TNS1: variants seen among roughly 807,000 people sequenced by gnomAD.
The protein encoded by TNS1 is tensin-1.
In TNS1, 62 loss-of-function variants were observed where a neutral mutation model predicts 168.6. The ratio of observed to expected loss-of-function variants is 0.37; its 90% CI spans 0.30 to 0.45. TNS1 has a LOEUF of 0.45. Ranked by LOEUF, TNS1 falls within the 20% of genes least tolerant of loss-of-function variation. The probability of loss-of-function intolerance (pLI) is 1.00; values close to 1 mark genes in which losing one functional copy is unlikely to be tolerated. For synonymous variants in TNS1, 934 were observed against 933.2 expected, an observed-to-expected ratio of 1.00 and a Z score of -0.02; for missense variants, 2,240 against 2,339.4, an observed-to-expected ratio of 0.96 and a Z score of 0.88.
At chr2:217,868,237 C>T (rs1253365124) in intron 18 of TNS1, among the ~76,000 whole-genome samples, 2 of 152,232 alleles carry the variant, frequency 1.3e-5, no homozygotes, top group African/African-American at 4.8e-5. Flanking sequence ...ATCCTTATGT[C>T]ATTCCCACCC....
chr2:217,960,690 T>C (rs1957474539), intron 3 of TNS1, among the ~76,000 whole-genome samples: 1 of 152,094 alleles, frequency 6.6e-6, no homozygotes, highest in Admixed American at 6.5e-5. Flanking sequence ...TTTCTGTCCT[T>C]GAGATTCCAA....
At chr2:218,025,953 C>G (rs1188806888) in intron 1 of TNS1, among the ~76,000 whole-genome samples, 1 of 152,226 alleles carries the variant, frequency 6.6e-6, no homozygotes, top group East Asian at 1.9e-4. Flanking sequence ...CTTTTCCTCT[C>G]TCCTTCCCTT....
At chr2:217,907,892 G>A (rs1953904969) in intron 4 of TNS1, among the ~76,000 whole-genome samples, 1 of 152,132 alleles carries the variant, frequency 6.6e-6, no homozygotes, top group African/African-American at 2.4e-5. Context: ...TTTACTTATG[G>A]AATGCTTTCC....
At chr2:217,809,774 G>A in intron 30 of TNS1, 49 bp downstream of exon 30, 1 of 1,566,652 alleles carries the variant, frequency 6.4e-7, no homozygotes, top group Non-Finnish European at 8.7e-7. Flanking sequence ...ATGAATAGAT[G>A]AGTCACAGGA....
chr2:217,910,850 GA>G (rs1954323174), intron 4 of TNS1, among the ~76,000 whole-genome samples: 1 of 152,020 alleles, frequency 6.6e-6, no homozygotes, highest in East Asian at 1.9e-4. Context: ...CACACATGGG[GA>G]AATTGAGGTC....
intron 3 of TNS1, among the ~76,000 whole-genome samples, chr2:217,920,918 C>T (rs1246835468): frequency 6.6e-6 from 1 of 151,548 alleles, no homozygotes; most frequent in African/African-American, 2.4e-5. Flanking sequence ...CCTCTCTGAT[C>T]CAGAGAAGGA....
intron 1 of TNS1, among the ~76,000 whole-genome samples, chr2:218,024,238 T>C (rs1234067347): frequency 6.6e-6 from 1 of 152,048 alleles, no homozygotes; most frequent in East Asian, 1.9e-4. Flanking sequence ...GGACATAGTG[T>C]GGAGTCACTT....
chr2:217,833,111 C>T (rs988832570), intron 21 of TNS1, among the ~76,000 whole-genome samples: 9 of 152,222 alleles, frequency 5.9e-5, no homozygotes, highest in Non-Finnish European at 8.8e-5. Flanking sequence ...GCCTCAGAGA[C>T]GGTCATTCAT....
chr2:217,899,982 C>T (rs1952768616), intron 7 of TNS1, among the ~76,000 whole-genome samples: 1 of 152,230 alleles, frequency 6.6e-6, no homozygotes, highest in Non-Finnish European at 1.5e-5. Flanking sequence ...TCCCCTTCCC[C>T]CGGCCCCTGC....
At chr2:217,925,809 A>G (rs114702808) in intron 3 of TNS1, among the ~76,000 whole-genome samples, 2,759 of 151,474 alleles carry the variant, frequency 0.018, 78 homozygotes, top group African/African-American at 0.063. Flanking sequence ...CCTCCCCCAA[A>G]CCCCTGGTTA....
At chr2:217,829,093 G>A (rs1349319428) in intron 22 of TNS1, among the ~76,000 whole-genome samples, 1 of 152,108 alleles carries the variant, frequency 6.6e-6, no homozygotes, top group Non-Finnish European at 1.5e-5. Context: ...GAGTCATTCA[G>A]GGCCAGGCAC....
intron 3 of TNS1, among the ~76,000 whole-genome samples, chr2:217,967,351 AAAAT>A (rs1039188642): frequency 5.9e-5 from 9 of 152,048 alleles, no homozygotes; most frequent in African/African-American, 2.2e-4. Context: ...ATAAAAATAA[AAAAT>A]AAACAGTGGC....
chr2:217,907,622 C>T (rs541574040), intron 4 of TNS1, among the ~76,000 whole-genome samples: 3 of 152,340 alleles, frequency 2.0e-5, no homozygotes, highest in Admixed American at 6.5e-5. Flanking sequence ...TACCTTTTAT[C>T]CCCACTCTAC....
chr2:217,970,885 TTAGTTATACCTCAA>T (rs959893872), intron 3 of TNS1, among the ~76,000 whole-genome samples: 1 of 151,788 alleles, frequency 6.6e-6, no homozygotes, highest in Non-Finnish European at 1.5e-5. Flanking sequence ...GGTATGTGAA[TTAGTTATACCTCAA>T]TAAAGTTGTT....
At chr2:217,940,675 G>A (rs1425011250) in intron 3 of TNS1, among the ~76,000 whole-genome samples, 1 of 152,200 alleles carries the variant, frequency 6.6e-6, no homozygotes, top group Non-Finnish European at 1.5e-5. Context: ...GTCGGAGGCG[G>A]TGGTTGAGTT....
intron 18 of TNS1, chr2:217,850,352 T>A (rs2125451349): frequency 1.7e-5 from 17 of 984,906 alleles, no homozygotes; most frequent in East Asian, 1.1e-4. Context: ...AGGGGAAGCG[T>A]CTTAGGGATC....
intron 18 of TNS1, chr2:217,849,913 A>G (rs1392825336): frequency 1.0e-6 from 1 of 985,308 alleles, no homozygotes; most frequent in African/African-American, 1.7e-5. Context: ...ACTCTCTAAG[A>G]CAAGCTTGCC....
At chr2:217,946,900 T>A (rs1172114673) in intron 3 of TNS1, among the ~76,000 whole-genome samples, 1 of 151,476 alleles carries the variant, frequency 6.6e-6, no homozygotes, top group Non-Finnish European at 1.5e-5. Flanking sequence ...CAGCCCATCA[T>A]CTACCCTCAG....
intron 1 of TNS1, among the ~76,000 whole-genome samples, chr2:218,024,497 G>A (rs981515365): frequency 3.9e-5 from 6 of 152,144 alleles, no homozygotes; most frequent in African/African-American, 7.2e-5. Flanking sequence ...GGAGCTGATG[G>A]GGGCAGTGGA....
Sources: gnomAD v4.1 joint callset for allele counts (sites outside exome capture counted in the v4.1 genomes callset) on GRCh38, gnomAD v4.1.1 for gene constraint, MANE v1.5 for transcripts, NCBI Gene and HGNC (gene_info 2026-07-23, HGNC 2026-07-21) for gene names.